Variants in ABTB2 observed in about 807,000 individuals in gnomAD.
ABTB2 encodes the protein ankyrin repeat and BTB/POZ domain-containing protein 2.
In ABTB2, 56 loss-of-function variants were observed where a neutral mutation model predicts 104.1. The ratio of observed to expected loss-of-function variants is 0.54; its 90% CI spans 0.43 to 0.67. The LOEUF (loss-of-function observed/expected upper bound fraction) is 0.67, where lower values mean the gene tolerates loss of function less well. Ranked by LOEUF, ABTB2 falls within the 30% of genes least tolerant of loss-of-function variation. The probability of loss-of-function intolerance (pLI) is 0.00; values close to 1 mark genes in which losing one functional copy is unlikely to be tolerated. For synonymous variants in ABTB2, 606 were observed against 608.2 expected (o/e 1.00, Z 0.05); for missense variants, 1,279 against 1,407.7 (o/e 0.91, Z 1.46).
At chr11:34,278,777 A>G (rs1277347126) in intron 1 of ABTB2, among the ~76,000 whole-genome samples, 2 of 152,238 alleles carry the variant, frequency 1.3e-5, no homozygotes, top group African/African-American at 4.8e-5. Flanking sequence ...TGGCGCCTTC[A>G]TAAGAGCTAA....
chr11:34,247,835 G>A (rs901478997), intron 1 of ABTB2, among the ~76,000 whole-genome samples: 4 of 152,338 alleles, frequency 2.6e-5, no homozygotes, highest in African/African-American at 9.6e-5. Flanking sequence ...ACAACTCTAT[G>A]AGAAAAGTAA....
rs530766493 is a variant in ABTB2, at chr11:34,167,401, G to T, written c.1654-41C>A. On this transcript the variant is annotated intron_variant, in intron 6 of 16. Coordinates refer to ENST00000435224, the MANE Select transcript of ABTB2 (RefSeq NM_145804.3). ...AATCATCTGTGTTTTCTGGGCACCC[G>T]AGCGAAGGGAGTACCCTGCAGGGAT... is the stretch of plus-strand genomic sequence containing the variant. The T allele has an allele frequency of 2.6e-6, 4 of 1,517,236 alleles. No individual in the cohort carries two copies. The South Asian group carries it at 4.7e-5, about 18-fold the overall frequency. The allele number at this position is 1,517,236 out of a possible 1,614,324, so 94.0% of individuals were successfully genotyped here.
At chr11:34,265,594 G>A (rs533769405) in intron 1 of ABTB2, among the ~76,000 whole-genome samples, 1 of 148,074 alleles carries the variant, frequency 6.8e-6, no homozygotes, top group African/African-American at 2.5e-5. Context: ...GGAGGTGGAG[G>A]TTGCGGTGAG....
intron 1 of ABTB2, among the ~76,000 whole-genome samples, chr11:34,305,055 G>A (rs1854754519): frequency 6.6e-6 from 1 of 152,222 alleles, no homozygotes; most frequent in South Asian, 2.1e-4. Context: ...CCTCAGAGCA[G>A]TGTCTGCTTC....
chr11:34,254,350 C>G (rs751448287), intron 1 of ABTB2, among the ~76,000 whole-genome samples: 2 of 152,030 alleles, frequency 1.3e-5, no homozygotes, highest in Non-Finnish European at 2.9e-5. Flanking sequence ...CAGGCTTAAG[C>G]GATCCTACCA....
At chr11:34,260,511 C>T (rs553609034) in intron 1 of ABTB2, among the ~76,000 whole-genome samples, 3 of 152,222 alleles carry the variant, frequency 2.0e-5, no homozygotes, top group African/African-American at 4.8e-5. Context: ...GAAAAGGCAG[C>T]GGAATCCCCA....
At chr11:34,295,682 CAGA>C (rs972081620) in intron 1 of ABTB2, among the ~76,000 whole-genome samples, 2 of 152,126 alleles carry the variant, frequency 1.3e-5, no homozygotes, top group African/African-American at 4.8e-5. Context: ...TTATAAACAA[CAGA>C]AGTTTATTTC....
chr11:34,171,119 A>C lies in ABTB2; in HGVS notation c.1398-48T>G, dbSNP rs553532035. On this transcript the variant is annotated intron_variant, in intron 4 of 16. Coordinates refer to ENST00000435224, the MANE Select transcript of ABTB2 (RefSeq NM_145804.3). ...TGCGTGTGACTGTATGCAGACAGCA[A>C]CTTTCAATGATGTGACACACATGTG... The C allele has an allele frequency of 6.3e-6, 10 of 1,583,994 alleles. No individual in the cohort carries two copies. The East Asian group carries it at 2.0e-4, about 32-fold the overall frequency.
chr11:34,209,078 G>A (rs2133043084), intron 1 of ABTB2, among the ~76,000 whole-genome samples: 1 of 152,298 alleles, frequency 6.6e-6, no homozygotes, highest in South Asian at 2.1e-4. Context: ...GGCCGTGGTG[G>A]CTCAGGCCTG....
chr11:34,226,075 G>A (rs1400835647), intron 1 of ABTB2, among the ~76,000 whole-genome samples: 1 of 151,840 alleles, frequency 6.6e-6, no homozygotes, highest in South Asian at 2.1e-4. Context: ...TGTTGCGTGC[G>A]CCTGTAGTCC....
At chr11:34,155,341 C>A (rs762408524) in intron 14 of ABTB2, among the ~76,000 whole-genome samples, 1 of 152,196 alleles carries the variant, frequency 6.6e-6, no homozygotes, top group Admixed American at 6.5e-5. Flanking sequence ...AAAAAGAAAG[C>A]GCAGAGCCCA....
chr11:34,292,243 T>C (rs1267801765), intron 1 of ABTB2, among the ~76,000 whole-genome samples: 1 of 152,234 alleles, frequency 6.6e-6, no homozygotes, highest in Non-Finnish European at 1.5e-5. Flanking sequence ...CGCAGTGTTC[T>C]CTGAGAGGAC....
chr11:34,214,671 C>T (rs963272390), intron 1 of ABTB2, among the ~76,000 whole-genome samples: 3 of 151,684 alleles, frequency 2.0e-5, no homozygotes, highest in Non-Finnish European at 4.4e-5. Context: ...TCCCGAAGTG[C>T]TGGGATTACA....
intron 1 of ABTB2, among the ~76,000 whole-genome samples, chr11:34,334,769 T>G (rs981530265): frequency 4.1e-4 from 2 of 4,878 alleles, no homozygotes; most frequent in African/African-American, 2.0e-3. Context: ...AATATTTGGG[T>G]TTTTTTTTTT....
At chr11:34,296,620 A>C (rs1854625643) in intron 1 of ABTB2, among the ~76,000 whole-genome samples, 1 of 152,140 alleles carries the variant, frequency 6.6e-6, no homozygotes, top group Non-Finnish European at 1.5e-5. Flanking sequence ...AGTTGTGCAA[A>C]GCAAGGCAGT....
At chr11:34,160,212 G>C (rs145499198) in intron 12 of ABTB2, 36 bp downstream of exon 12, 12 of 1,522,368 alleles carry the variant, frequency 7.9e-6, no homozygotes, top group Non-Finnish European at 1.0e-5. Flanking sequence ...GGGGGAGGAC[G>C]TGTGGTGATG....
At chr11:34,250,863 A>AG (rs564308043) in intron 1 of ABTB2, among the ~76,000 whole-genome samples, 17 of 152,202 alleles carry the variant, frequency 1.1e-4, no homozygotes, top group Non-Finnish European at 2.2e-4. Flanking sequence ...CAGAATAACT[A>AG]GGGGGGTAGA....
chr11:34,346,615 C>T (rs916161146), intron 1 of ABTB2, among the ~76,000 whole-genome samples: 5 of 152,182 alleles, frequency 3.3e-5, no homozygotes, highest in Admixed American at 6.5e-5. Context: ...TTACAGCGCT[C>T]GACCTTAGGA....
chr11:34,357,501 C>A lies in ABTB2; in HGVS notation c.83G>T (p.Arg28Leu). ...CTTGGAGGACGAGAGGCTGAGCGAG[C>A]GGCACGAGTCCCCGGCCCCATACCC... The part of the protein sequence containing the change: ...DSGYGAGDSC[R>L]SLSLSSSKSN... The change falls in exon 1 of 17, where the codon CGC becomes CTC. Residue 28 changes from arginine (R) to leucine (L), a missense_variant. By Grantham distance (102) the Arg-to-Leu change is moderately radical. Transcript: ENST00000435224. 2 of 1,542,082 alleles carry A rather than the reference C, an allele frequency of 1.3e-6. No homozygotes were observed. The highest frequency in any genetic ancestry group is 2.4e-5 in the South Asian group (2 of 84,042).
Sources: gnomAD v4.1 joint callset for allele counts (sites outside exome capture counted in the v4.1 genomes callset) on GRCh38, gnomAD v4.1.1 for gene constraint, MANE v1.5 for transcripts, NCBI Gene and HGNC (gene_info 2026-07-23, HGNC 2026-07-21) for gene names.